Variants in ACCSL observed in about 807,000 individuals in gnomAD.
ACCSL encodes the protein 1-aminocyclopropane-1-carboxylate synthase homolog (inactive) like, also known as probable inactive 1-aminocyclopropane-1-carboxylate synthase-like protein 2.
Under a neutral mutation model 61.7 loss-of-function variants are expected in ACCSL, and 55 were observed. The observed-to-expected ratio is 0.89, with a 90% confidence interval of 0.72 to 1.12. ACCSL has a LOEUF of 1.12. Among genes scored for constraint, ACCSL ranks in the 50% most tolerant of loss-of-function variants. ACCSL has a pLI of 0.00. For synonymous variants in ACCSL, 258 were observed against 264.3 expected, an observed-to-expected ratio of 0.98 and a Z score of 0.23; for missense variants, 632 against 698.0, an observed-to-expected ratio of 0.91 and a Z score of 1.07.
At chr11:44,046,942 G>A (rs978100300), upstream of ACCSL, among the ~76,000 whole-genome samples, 8 of 152,126 alleles carry the variant, frequency 5.3e-5, no homozygotes, top group South Asian at 2.1e-4. Context: ...AATCCTAATC[G>A]TTGGAAGTTT....
At chr11:43,931,313 C>T in the ACCSL span, among the ~76,000 whole-genome samples, 2 of 152,164 alleles carry the variant, frequency 1.3e-5, no homozygotes, top group African/African-American at 4.8e-5. Flanking sequence ...ATCCACACTC[C>T]CCTCCATGCC....
At chr11:43,948,454 G>A in the ACCSL span, among the ~76,000 whole-genome samples, 1 of 152,122 alleles carries the variant, frequency 6.6e-6, no homozygotes. Context: ...TCAGGGGTGA[G>A]CTGGGTTGCA....
chr11:44,017,059 C>G, the ACCSL span, among the ~76,000 whole-genome samples: 7 of 152,270 alleles, frequency 4.6e-5, no homozygotes, highest in African/African-American at 1.7e-4. Flanking sequence ...TGAAACCAGC[C>G]TCTGCCCTCC....
At chr11:44,032,419 G>A in the ACCSL span, among the ~76,000 whole-genome samples, 44 of 152,182 alleles carry the variant, frequency 2.9e-4, no homozygotes, top group African/African-American at 9.9e-4. Flanking sequence ...GTGCAAGGGC[G>A]TGAATACCAG....
the ACCSL span, among the ~76,000 whole-genome samples, chr11:44,013,179 C>T: frequency 6.6e-6 from 1 of 152,126 alleles, no homozygotes; most frequent in South Asian, 2.1e-4. Flanking sequence ...TGCAAAACAG[C>T]GTGTATATTA....
At chr11:43,964,334 G>A in the ACCSL span, among the ~76,000 whole-genome samples, 1 of 151,962 alleles carries the variant, frequency 6.6e-6, no homozygotes, top group African/African-American at 2.4e-5. Flanking sequence ...CTACTCAGGA[G>A]GGTGAGGCAG....
intron 8 of ACCSL, among the ~76,000 whole-genome samples, chr11:44,054,224 C>T (rs1279403440): frequency 6.6e-6 from 1 of 152,132 alleles, no homozygotes; most frequent in African/African-American, 2.4e-5. Context: ...TCTAAGAGCA[C>T]GTTCTAGAAA....
chr11:44,056,088 G>A lies in ACCSL; in HGVS notation c.1185+3G>A, dbSNP rs771549551. ...ATGTGATCTGGGGTACCAGTAAGGT[G>A]AGCCATTGCTTTCTCTCCTTGGCTA... On this transcript the variant is annotated splice_donor_region_variant and intron_variant, in intron 10 of 13. Coordinates refer to ENST00000378832, the MANE Select transcript of ACCSL (RefSeq NM_001031854.2). 2 of 1,614,200 alleles carry A rather than the reference G, an allele frequency of 1.2e-6. No individual in the cohort carries two copies. The highest frequency in any genetic ancestry group is 1.7e-6 in the Non-Finnish European group (2 of 1,180,040).
the ACCSL span, among the ~76,000 whole-genome samples, chr11:44,012,382 G>T: frequency 1.7e-4 from 26 of 152,084 alleles, no homozygotes; most frequent in Non-Finnish European, 2.6e-4. Flanking sequence ...CGCCTCCCGT[G>T]TTCAAGCAAT....
At chr11:43,956,815 T>A in the ACCSL span, among the ~76,000 whole-genome samples, 1 of 152,176 alleles carries the variant, frequency 6.6e-6, no homozygotes, top group South Asian at 2.1e-4. Context: ...CTTGAGGGCA[T>A]GCCTGGGAAA....
chr11:43,921,421 T>G, the ACCSL span, among the ~76,000 whole-genome samples: 1 of 152,126 alleles, frequency 6.6e-6, no homozygotes, highest in African/African-American at 2.4e-5. Flanking sequence ...AAATATGAAA[T>G]ACTTTCTAAA....
chr11:43,934,870 C>G, the ACCSL span, among the ~76,000 whole-genome samples: 3 of 152,198 alleles, frequency 2.0e-5, no homozygotes, highest in African/African-American at 7.2e-5. Flanking sequence ...GAAACAAAGC[C>G]CTGCTAATGG....
At chr11:43,989,376 G>A in the ACCSL span, among the ~76,000 whole-genome samples, 8 of 152,210 alleles carry the variant, frequency 5.3e-5, no homozygotes, top group Non-Finnish European at 1.0e-4. Flanking sequence ...CCCCTCCCCC[G>A]CCTGCCTTCC....
chr11:43,976,499 A>C, the ACCSL span, among the ~76,000 whole-genome samples: 1 of 152,248 alleles, frequency 6.6e-6, no homozygotes, highest in Non-Finnish European at 1.5e-5. Context: ...GAGAGCTGGT[A>C]TAACAAACAG....
the ACCSL span, among the ~76,000 whole-genome samples, chr11:44,008,638 G>A: frequency 1.3e-5 from 2 of 152,228 alleles, no homozygotes; most frequent in African/African-American, 4.8e-5. Flanking sequence ...GTGTCAACCT[G>A]GGCAAGTTAT....
intron 11 of ACCSL, 131 bp downstream of exon 11, chr11:44,056,457 G>T: frequency 1.6e-6 from 2 of 1,273,748 alleles, no homozygotes; most frequent in Non-Finnish European, 2.1e-6. Context: ...TTTAACTGTG[G>T]TAAGATGTGA....
rs769659142 is a variant in ACCSL at position 44,053,428 on chromosome 11, T to A, written c.971T>A (p.Val324Glu). Reference protein sequence around the residue: ...RLEGKKVRGLVLINPQNPLGD... With the variant: ...RLEGKKVRGLELINPQNPLGD... ...TAGGGGAAAAAGGTCCGAGGCCTTG[T>A]GCTAATCAACCCTCAGAATCCTCTG... is the stretch of plus-strand genomic sequence containing the variant. Residue 324 changes from valine to glutamate, a missense_variant, in exon 8 of 14, where the codon GTG becomes GAG. Transcript: ENST00000378832. The A allele has an allele frequency of 3.7e-6, 6 of 1,614,054 alleles. No homozygotes were observed. Among genetic ancestry groups the A allele is most frequent in the Non-Finnish European group, 5.1e-6 (6 of 1,180,038 alleles).
At chr11:44,055,351 G>T in intron 9 of ACCSL, 60 bp downstream of exon 9, 1 of 1,367,976 alleles carries the variant, frequency 7.3e-7, no homozygotes. Flanking sequence ...TTTGCAGGGT[G>T]AGTTTATGTG....
the ACCSL span, among the ~76,000 whole-genome samples, chr11:44,031,285 C>T: frequency 1.5e-4 from 23 of 152,342 alleles, no homozygotes; most frequent in Admixed American, 9.1e-4. Context: ...ACATCAGTTC[C>T]TGAAGACCCA....
Sources: allele counts gnomAD v4.1 joint callset (sites outside exome capture counted in the v4.1 genomes callset), GRCh38; gene constraint gnomAD v4.1.1; transcripts MANE v1.5; gene names NCBI Gene and HGNC (gene_info 2026-07-23, HGNC 2026-07-21).